WLS: variants seen among roughly 807,000 people sequenced by gnomAD.
WLS encodes Wnt ligand secretion mediator.
Under a neutral mutation model 62.8 loss-of-function variants are expected in WLS, and 23 were observed. The observed-to-expected ratio is 0.37, with a 90% confidence interval of 0.26 to 0.52. The LOEUF (loss-of-function observed/expected upper bound fraction) is 0.52. WLS is among the 20% of genes least tolerant of loss of function. The pLI is 0.92. For missense variants in WLS, 615 were observed against 697.3 expected, an observed-to-expected ratio of 0.88 and a Z score of 1.33; for synonymous variants, 246 against 244.1, an observed-to-expected ratio of 1.01 and a Z score of -0.07.
chr1:68,120,027 C>T (rs1259154288), intron 11 of WLS, among the ~76,000 whole-genome samples: 2 of 150,192 alleles, frequency 1.3e-5, no homozygotes, highest in African/African-American at 4.8e-5. Context: ...AAGGGGCTGT[C>T]CAGATGATAA....
At chr1:68,140,832 C>T (rs114410805) in intron 10 of WLS, among the ~76,000 whole-genome samples, 4,666 of 152,214 alleles carry the variant, frequency 0.031, 71 homozygotes, top group Middle Eastern at 0.099. Context: ...CAGCTCTGAG[C>T]ACATTCCCAC....
intron 11 of WLS, chr1:68,099,628 G>C (rs1037938866): frequency 1.6e-4 from 25 of 152,184 alleles, no homozygotes; most frequent in Non-Finnish European, 2.9e-4. Flanking sequence ...ATAATCTTTA[G>C]ATTACCTATA....
intron 1 of WLS, among the ~76,000 whole-genome samples, chr1:68,194,995 AT>A (rs1427839812): frequency 6.6e-6 from 1 of 152,222 alleles, no homozygotes; most frequent in East Asian, 1.9e-4. Context: ...TCAAAACAAC[AT>A]TTACCCAAAA....
intron 10 of WLS, among the ~76,000 whole-genome samples, chr1:68,140,030 T>C (rs114286337): frequency 0.011 from 1,712 of 152,392 alleles, 19 homozygotes; most frequent in Middle Eastern, 0.044. Flanking sequence ...GATTCTTTTG[T>C]ATTCATAACA....
chr1:68,102,271 G>C (rs1464728393), intron 11 of WLS, among the ~76,000 whole-genome samples: 2 of 152,202 alleles, frequency 1.3e-5, no homozygotes, highest in Admixed American at 1.3e-4. Context: ...TTCTTCCCAA[G>C]GGAAAGAATG....
chr1:68,137,429 A>G (rs2100422995), intron 11 of WLS, among the ~76,000 whole-genome samples: 1 of 152,330 alleles, frequency 6.6e-6, no homozygotes, highest in Middle Eastern at 3.4e-3. Context: ...TCTGCTTCTC[A>G]AATGGGAAGA....
At chr1:68,211,274 A>G (rs1649503280) in intron 1 of WLS, among the ~76,000 whole-genome samples, 1 of 151,970 alleles carries the variant, frequency 6.6e-6, no homozygotes, top group African/African-American at 2.4e-5. Flanking sequence ...TAAAACTGTT[A>G]CAAAGTCAAC....
At position 68,148,582 on chromosome 1, in the gene WLS, T is replaced by C. The variant is rs762748650; in HGVS notation, c.1051A>G (p.Ile351Val). ...GCTCACCTCTCACACATGTCAAATA[T>C]GAAGAGGCAGAAGGAGCCAACGGCA... ...PIAVGSFCLF[I>V]FDMCERGVQL... The change falls in exon 7 of 12, where the codon ATA becomes GTA. Residue 351 changes from isoleucine (I) to valine (V), a missense_variant. Transcript: ENST00000262348. The C allele has an allele frequency of 5.0e-6, 8 of 1,614,004 alleles. No individual in the cohort carries two copies. The highest frequency in any genetic ancestry group is 6.8e-6 in the Non-Finnish European group (8 of 1,179,968).
chr1:68,151,420 G>A (rs948547430), intron 5 of WLS, among the ~76,000 whole-genome samples: 6 of 152,094 alleles, frequency 3.9e-5, no homozygotes, highest in African/African-American at 1.2e-4. Flanking sequence ...TTTAAACAAT[G>A]GAGTGACATG....
At chr1:68,130,079 C>T (rs1037784502) in intron 11 of WLS, among the ~76,000 whole-genome samples, 4 of 152,126 alleles carry the variant, frequency 2.6e-5, no homozygotes, top group South Asian at 2.1e-4. Flanking sequence ...GGTGTGTAAG[C>T]GGCTGCTTGG....
rs774684322 is a variant in WLS at position 68,150,355 on chromosome 1, C to T, written c.805G>A (p.Val269Ile). The T allele has an allele frequency of 6.2e-7, 1 of 1,613,956 alleles. No homozygotes were observed. The highest frequency in any genetic ancestry group is 8.5e-7 in the Non-Finnish European group (1 of 1,179,926). ...MSRPPVLLEK[V>I]IFALGISMTF... ...ATGGAAATCCCAAGGGCAAAGATGACTCTGATGGTGAGAAAATATCAGGAC... is the reference window on the plus strand; with the variant it reads ...ATGGAAATCCCAAGGGCAAAGATGATTCTGATGGTGAGAAAATATCAGGAC... Residue 269 changes from valine (V) to isoleucine (I), a missense_variant and splice_region_variant, in exon 6 of 12, where the codon GTC (valine) becomes ATC (isoleucine). Val to Ile is a conservative substitution (Grantham distance 29, BLOSUM62 3). Coordinates refer to ENST00000262348, the MANE Select transcript of WLS (RefSeq NM_024911.7).
chr1:68,181,495 C>G (rs552860306), intron 2 of WLS, among the ~76,000 whole-genome samples: 10 of 152,298 alleles, frequency 6.6e-5, no homozygotes, highest in African/African-American at 2.2e-4. Flanking sequence ...TTCTAGACTG[C>G]ACTTCATTCC....
chr1:68,175,775 T>C (rs1482142687), intron 2 of WLS, among the ~76,000 whole-genome samples: 1 of 152,122 alleles, frequency 6.6e-6, no homozygotes, highest in African/African-American at 2.4e-5. Context: ...AGAACCAGAC[T>C]ACAGGGCAGT....
At chr1:68,107,852 G>A (rs1646168821) in intron 11 of WLS, among the ~76,000 whole-genome samples, 1 of 151,992 alleles carries the variant, frequency 6.6e-6, no homozygotes, top group Admixed American at 6.6e-5. Context: ...TTCAGACCCG[G>A]GTCTGCGGGA....
chr1:68,126,202 G>A lies in WLS; in HGVS notation c.*24C>T, dbSNP rs368284933. ...AGAGGGGCTGGGGTATGGAGAGACC[G>A]TCCCAGCCGGGCGCTGCAGCCTCCT... is the stretch of plus-strand genomic sequence containing the variant. On this transcript the variant is annotated 3_prime_UTR_variant, in exon 12 of 12. Transcript: ENST00000262348. 94 of 1,613,470 alleles carry A rather than the reference G, an allele frequency of 5.8e-5. No homozygotes were observed. The highest frequency in any genetic ancestry group is 5.5e-4 in the African/African-American group (41 of 75,022).
rs775336491 is a variant in WLS, at chr1:68,117,067, T to TTTCC, written c.1511-18318_1511-18315dup. Among the ~76,000 whole-genome samples, 18 of 152,120 alleles carry TTTCC rather than the reference T, an allele frequency of 1.2e-4. No individual in the cohort carries two copies. The South Asian group carries it at 1.3e-3, about 11-fold the overall frequency. On this transcript the variant is annotated intron_variant, in intron 11 of 11. Coordinates refer to the WLS transcript ENST00000354777. ...CCATTTCTTCTCAACTTACTTTCAA[T>TTTCC]TTCCTTCCTCCCTCCCTCCCTCTAT...
chr1:68,162,353 CGTTGAGA>C, intron 2 of WLS: 1 of 1,613,906 alleles, frequency 6.2e-7, no homozygotes. Flanking sequence ...TGGTTATGTT[CGTTGAGA>C]TTGCAGTGCA....
chr1:68,214,398 A>G (rs993930433), intron 1 of WLS, among the ~76,000 whole-genome samples: 2 of 150,496 alleles, frequency 1.3e-5, no homozygotes. Flanking sequence ...GGAGTCTCGC[A>G]CTGTCACCCA....
At chr1:68,205,363 A>G (rs1649237841) in intron 1 of WLS, among the ~76,000 whole-genome samples, 1 of 152,222 alleles carries the variant, frequency 6.6e-6, no homozygotes, top group African/African-American at 2.4e-5. Flanking sequence ...ATCAAAAGAA[A>G]TTAGATAGTA....
Sources: allele counts gnomAD v4.1 joint callset (sites outside exome capture counted in the v4.1 genomes callset), GRCh38; gene constraint gnomAD v4.1.1; transcripts MANE v1.5; gene names NCBI Gene and HGNC (gene_info 2026-07-23, HGNC 2026-07-21).